Variants in SHANK2 observed in about 807,000 individuals in gnomAD.
The protein encoded by SHANK2 is SH3 and multiple ankyrin repeat domains 2.
In SHANK2, 43 loss-of-function variants were observed where a neutral mutation model predicts 133.7. That is an observed-to-expected ratio of 0.32 (90% CI 0.25 to 0.41). The LOEUF is 0.41. Among genes scored for constraint, SHANK2 ranks in the 10% least tolerant of loss-of-function variants. The pLI is 1.00. For missense variants in SHANK2, 1,994 were observed against 2,235.8 expected (o/e 0.89, Z 2.18); for synonymous variants, 1,017 against 952.8 (o/e 1.07, Z -1.24).
chr11:70,659,697 A>G (rs773188916), intron 17 of SHANK2, 131 bp downstream of exon 17: 381 of 1,134,698 alleles, frequency 3.4e-4, no homozygotes, highest in Non-Finnish European at 4.3e-4. Context: ...AAACTGACCA[A>G]TGAAAGTTCA....
chr11:70,685,923 T>A (rs184833571), intron 15 of SHANK2, among the ~76,000 whole-genome samples: 1 of 152,174 alleles, frequency 6.6e-6, no homozygotes, highest in Non-Finnish European at 1.5e-5. Flanking sequence ...AGTCACAGAT[T>A]CAGTCAGCCA....
chr11:70,716,197 C>A (rs970989671), intron 14 of SHANK2, among the ~76,000 whole-genome samples: 13 of 152,316 alleles, frequency 8.5e-5, no homozygotes, highest in South Asian at 2.1e-4. Flanking sequence ...ATAATCAGAG[C>A]CACCATTCTC....
intron 14 of SHANK2, among the ~76,000 whole-genome samples, chr11:70,780,591 T>TC (rs56779935): frequency 1.4e-4 from 21 of 151,540 alleles, no homozygotes; most frequent in Admixed American, 4.6e-4. Context: ...TTTTTTTTTT[T>TC]CAGATAGAGT....
intron 11 of SHANK2, among the ~76,000 whole-genome samples, chr11:70,870,786 T>TTC (rs1949446582): frequency 2.1e-4 from 32 of 151,992 alleles, no homozygotes; most frequent in Admixed American, 1.6e-3. Context: ...TTCATTCATT[T>TTC]ATTTATTTGA....
At chr11:70,698,658 G>T in intron 15 of SHANK2, 30 bp downstream of exon 15, 1 of 718,548 alleles carries the variant, frequency 1.4e-6, no homozygotes, top group Non-Finnish European at 2.6e-6. Flanking sequence ...TTGACCAGAG[G>T]GTCCTGGAAG....
At position 70,861,293 on chromosome 11, in the gene SHANK2, A is replaced by G. The variant is rs1949254596; in HGVS notation, c.1174+35208T>C. Among the ~76,000 whole-genome samples the G allele has an allele frequency of 3.3e-5, 5 of 152,224 alleles. No homozygotes were observed. In the South Asian group the frequency reaches 1.0e-3, roughly 32 times the overall value. The stretch of plus-strand genomic sequence containing the variant: ...TTGCTCCTCCAGTCTGTCCTCTTAA[A>G]AATGGGTCGTGAAGGACTAATGCTT... On this transcript the variant is annotated intron_variant, in intron 11 of 25. Coordinates refer to ENST00000601538, the MANE Select transcript of SHANK2 (RefSeq NM_012309.5).
chr11:71,076,313 C>T (rs935007162), intron 8 of SHANK2, among the ~76,000 whole-genome samples: 12 of 152,174 alleles, frequency 7.9e-5, no homozygotes, highest in South Asian at 6.2e-4. Context: ...GAGCAGTAGG[C>T]GCCATGGTAG....
chr11:71,137,579 A>G (rs1952470217), intron 3 of SHANK2, among the ~76,000 whole-genome samples: 1 of 152,076 alleles, frequency 6.6e-6, no homozygotes, highest in African/African-American at 2.4e-5. Context: ...CAGAAGTTCT[A>G]TCGGTGCCAG....
intron 11 of SHANK2, among the ~76,000 whole-genome samples, chr11:70,892,687 G>A (rs534778765): frequency 7.8e-4 from 118 of 152,146 alleles, no homozygotes; most frequent in African/African-American, 2.8e-3. Context: ...TGCCCTGCCT[G>A]CATCTCCTTG....
intron 2 of SHANK2, among the ~76,000 whole-genome samples, chr11:71,149,001 CTTCCTGAAAGCAA>C (rs1952708904): frequency 6.8e-6 from 1 of 147,568 alleles, no homozygotes; most frequent in African/African-American, 2.6e-5. Context: ...GAGCCATGAA[CTTCCTGAAAGCAA>C]TTCCAGCAAC....
At chr11:71,073,121 C>CTT in intron 9 of SHANK2, among the ~76,000 whole-genome samples, 1 of 111,880 alleles carries the variant, frequency 8.9e-6, no homozygotes, top group African/African-American at 3.1e-5. Context: ...GGAAGGCTTG[C>CTT]TTTTTGTTTT....
chr11:70,730,826 C>CTTTTTTTT (rs34081906), intron 14 of SHANK2, among the ~76,000 whole-genome samples: 8 of 127,384 alleles, frequency 6.3e-5, no homozygotes, highest in Non-Finnish European at 9.8e-5. Context: ...TTTTTTATTT[C>CTTTTTTTT]TTTTTTTTTT....
intron 2 of SHANK2, among the ~76,000 whole-genome samples, chr11:71,184,214 C>T (rs797036958): frequency 9.2e-5 from 14 of 152,208 alleles, no homozygotes; most frequent in African/African-American, 3.4e-4. Flanking sequence ...GGAGGGAGGC[C>T]TTGTGATTTT....
At chr11:71,093,716 T>A (rs958617136) in intron 7 of SHANK2, among the ~76,000 whole-genome samples, 5 of 152,152 alleles carry the variant, frequency 3.3e-5, no homozygotes, top group Admixed American at 6.5e-5. Flanking sequence ...CATGAGCCAA[T>A]GAAACCTCTT....
chr11:71,139,881 G>A (rs1952519145), intron 3 of SHANK2, among the ~76,000 whole-genome samples: 1 of 152,220 alleles, frequency 6.6e-6, no homozygotes, highest in African/African-American at 2.4e-5. Context: ...GGAGGGTGAG[G>A]CTCAGAAACA....
At chr11:71,234,406 A>ATAAAT (rs1565530389) in intron 1 of SHANK2, among the ~76,000 whole-genome samples, 5 of 127,980 alleles carry the variant, frequency 3.9e-5, no homozygotes, top group South Asian at 5.2e-4. Context: ...AATAAATAAC[A>ATAAAT]ACAAAATGTT....
chr11:70,789,323 T>G (rs11237493), intron 14 of SHANK2, among the ~76,000 whole-genome samples: 1 of 152,132 alleles, frequency 6.6e-6, no homozygotes, highest in Non-Finnish European at 1.5e-5. Context: ...ACCACATCTG[T>G]TTCCTGGTCA....
intron 11 of SHANK2, chr11:70,862,791 T>C (rs1213428409): frequency 3.6e-6 from 1 of 277,964 alleles, no homozygotes; most frequent in African/African-American, 2.3e-5. Context: ...CATTGCACAT[T>C]TTGGATCCTT....
In SHANK2 at chr11:71,133,346, A is replaced by ATGGATGGCTGGC. The variant is rs1172807204; in HGVS notation, c.207+13773_207+13774insGCCAGCCATCCA. On this transcript the variant is annotated intron_variant, in intron 3 of 25. Transcript: ENST00000601538. ...GGTAGGTGGGTGGCTGGGAGGATGC[A>ATGGATGGCTGGC]TGGCTGGCTGGCTGGCTGGCTGGGT... Among the ~76,000 whole-genome samples, 97 of 111,950 alleles carry ATGGATGGCTGGC rather than the reference A, an allele frequency of 8.7e-4. 2 individuals are homozygous for ATGGATGGCTGGC. The highest frequency in any genetic ancestry group is 2.7e-3 in the African/African-American group (73 of 27,124). The allele number at this position is 111,950 out of a possible 152,430, so 73.4% of individuals were successfully genotyped here.
Sources: allele counts gnomAD v4.1 joint callset (sites outside exome capture counted in the v4.1 genomes callset), GRCh38; gene constraint gnomAD v4.1.1; transcripts MANE v1.5; gene names NCBI Gene and HGNC (gene_info 2026-07-23, HGNC 2026-07-21).